Variants in PPFIA2 observed in about 807,000 individuals in gnomAD.
PPFIA2 encodes PPFI scaffold protein A2.
PPFIA2 carries 46 observed loss-of-function variants against 175.5 expected under a neutral mutation model. The observed-to-expected ratio is 0.26, with a 90% CI of 0.21 to 0.34. The LOEUF is 0.34. Ranked by LOEUF, PPFIA2 falls within the 10% of genes least tolerant of loss-of-function variation. The probability of loss-of-function intolerance (pLI) is 1.00; values close to 1 mark genes in which losing one functional copy is unlikely to be tolerated. For synonymous variants in PPFIA2, 568 were observed against 511.4 expected, an observed-to-expected ratio of 1.11 and a Z score of -1.49; for missense variants, 1,179 against 1,506.1, an observed-to-expected ratio of 0.78 and a Z score of 3.60.
chr12:81,276,347 C>T (rs1258300754), intron 28 of PPFIA2, among the ~76,000 whole-genome samples: 1 of 152,110 alleles, frequency 6.6e-6, no homozygotes, highest in African/African-American at 2.4e-5. Context: ...GATGGGTACA[C>T]TAAAACCCAG....
chr12:81,472,319 A>G (rs1391595661), intron 4 of PPFIA2, among the ~76,000 whole-genome samples: 2 of 152,206 alleles, frequency 1.3e-5, no homozygotes, highest in Non-Finnish European at 2.9e-5. Flanking sequence ...CTAAATGCCA[A>G]TGAATTGCAT....
chr12:81,586,656 A>G (rs1240410668), intron 4 of PPFIA2, among the ~76,000 whole-genome samples: 6 of 151,868 alleles, frequency 4.0e-5, no homozygotes, highest in Non-Finnish European at 8.8e-5. Flanking sequence ...AAAGAAATAC[A>G]AGAACACTTT....
chr12:81,587,050 T>G (rs574344789), intron 4 of PPFIA2, among the ~76,000 whole-genome samples: 1 of 151,930 alleles, frequency 6.6e-6, no homozygotes, highest in Non-Finnish European at 1.5e-5. Flanking sequence ...AAAGTAAAAA[T>G]AGAGAAATAA....
chr12:81,583,989 A>T (rs1267538634), intron 4 of PPFIA2, among the ~76,000 whole-genome samples: 10 of 151,872 alleles, frequency 6.6e-5, no homozygotes. Context: ...TCTTCCTCAA[A>T]TTCTTTCTCA....
chr12:81,451,681 G>T (rs557439192), intron 5 of PPFIA2, among the ~76,000 whole-genome samples: 1 of 152,094 alleles, frequency 6.6e-6, no homozygotes, highest in African/African-American at 2.4e-5. Context: ...AGGGATGAAC[G>T]ATTTCACTTA....
chr12:81,556,309 G>A (rs1289935728), intron 4 of PPFIA2, among the ~76,000 whole-genome samples: 2 of 151,814 alleles, frequency 1.3e-5, no homozygotes, highest in Non-Finnish European at 2.9e-5. Context: ...AAAGTTTATG[G>A]CTGTCAATTG....
chr12:81,359,980 C>G (rs1453708151), intron 15 of PPFIA2, among the ~76,000 whole-genome samples: 1 of 151,860 alleles, frequency 6.6e-6, no homozygotes, highest in Non-Finnish European at 1.5e-5. Context: ...TCCAGTAACT[C>G]ACACTTTCTT....
At chr12:81,291,930 G>C (rs949594394) in intron 24 of PPFIA2, among the ~76,000 whole-genome samples, 85 of 152,148 alleles carry the variant, frequency 5.6e-4, no homozygotes, top group African/African-American at 2.0e-3. Context: ...AAGCCTTCGA[G>C]GTGAACTGAG....
At chr12:81,284,489 A>T (rs944601236) in intron 24 of PPFIA2, 186 bp from the exon 25 acceptor site, 2 of 541,544 alleles carry the variant, frequency 3.7e-6, no homozygotes, top group Non-Finnish European at 6.6e-6. Flanking sequence ...CTACTCAAAA[A>T]GATTAACTAG....
At chr12:81,590,627 G>C (rs575872999) in intron 4 of PPFIA2, among the ~76,000 whole-genome samples, 4 of 152,012 alleles carry the variant, frequency 2.6e-5, no homozygotes, top group East Asian at 3.9e-4. Flanking sequence ...TTGAATTATG[G>C]GGGTGGGTCT....
At chr12:81,615,483 A>G (rs2061352821) in intron 4 of PPFIA2, among the ~76,000 whole-genome samples, 1 of 152,204 alleles carries the variant, frequency 6.6e-6, no homozygotes, top group South Asian at 2.1e-4. Flanking sequence ...GTGGATTCCA[A>G]CAATTAGAGC....
chr12:81,281,812 C>G (rs2042147034), intron 26 of PPFIA2, among the ~76,000 whole-genome samples: 1 of 152,040 alleles, frequency 6.6e-6, no homozygotes, highest in Non-Finnish European at 1.5e-5. Flanking sequence ...CTTGTCAATG[C>G]ACTTATTGCC....
chr12:81,262,588 C>T (rs1302450872), intron 31 of PPFIA2, among the ~76,000 whole-genome samples: 1 of 152,108 alleles, frequency 6.6e-6, no homozygotes, highest in Non-Finnish European at 1.5e-5. Flanking sequence ...TAATGCCTCC[C>T]AAACAGAAAT....
At chr12:81,716,540 T>A (rs1179583060) in intron 3 of PPFIA2, among the ~76,000 whole-genome samples, 2 of 149,234 alleles carry the variant, frequency 1.3e-5, no homozygotes, top group Non-Finnish European at 3.0e-5. Flanking sequence ...GTAAAATACT[T>A]GGAAAGTACC....
intron 4 of PPFIA2, among the ~76,000 whole-genome samples, chr12:81,535,672 G>A (rs1029610909): frequency 6.6e-6 from 1 of 151,404 alleles, no homozygotes; most frequent in Non-Finnish European, 1.5e-5. Context: ...TAGTGAGAGT[G>A]TTTCAAACTA....
In PPFIA2 at chr12:81,487,369, G is replaced by A. The variant is rs984014173; in HGVS notation, c.304-29503C>T. Among the ~76,000 whole-genome samples the A allele has an allele frequency of 4.6e-5, 7 of 151,872 alleles. No homozygotes were observed. In the South Asian group the frequency reaches 6.2e-4, roughly 14 times the overall value. On this transcript the variant is annotated intron_variant, in intron 4 of 32. Coordinates refer to ENST00000549396, the MANE Select transcript of PPFIA2 (RefSeq NM_003625.5). ...TTTATCTTATTAATCTGTAAAACAC[G>A]GATAACAGAAACAAGCAAAGTCTTA...
intron 4 of PPFIA2, among the ~76,000 whole-genome samples, chr12:81,591,525 G>A (rs953591997): frequency 1.1e-4 from 17 of 152,304 alleles, no homozygotes; most frequent in South Asian, 2.1e-4. Context: ...AGGCCCAGAG[G>A]TAGAGGAGGA....
intron 19 of PPFIA2, among the ~76,000 whole-genome samples, chr12:81,342,671 A>G (rs1353716289): frequency 6.6e-6 from 1 of 152,052 alleles, no homozygotes; most frequent in Non-Finnish European, 1.5e-5. Flanking sequence ...CAACCCAGCT[A>G]AACTCTTAAG....
At chr12:81,501,496 GC>G (rs1176059835) in intron 4 of PPFIA2, among the ~76,000 whole-genome samples, 1 of 151,882 alleles carries the variant, frequency 6.6e-6, no homozygotes, top group African/African-American at 2.4e-5. Context: ...CATGATACAG[GC>G]ACTTTTCTCT....
Sources: gnomAD v4.1 joint callset for allele counts (sites outside exome capture counted in the v4.1 genomes callset) on GRCh38, gnomAD v4.1.1 for gene constraint, MANE v1.5 for transcripts, NCBI Gene and HGNC (gene_info 2026-07-23, HGNC 2026-07-21) for gene names.